Variants in HS6ST3 observed in about 807,000 individuals in gnomAD.
The protein encoded by HS6ST3 is heparan sulfate 6-O-sulfotransferase 3, also known as heparan-sulfate 6-O-sulfotransferase 3.
Under a neutral mutation model 36.7 loss-of-function variants are expected in HS6ST3, and 12 were observed. The ratio of observed to expected loss-of-function variants is 0.33; its 90% CI spans 0.21 to 0.53. The LOEUF (loss-of-function observed/expected upper bound fraction) is 0.53. Among genes scored for constraint, HS6ST3 ranks in the 20% least tolerant of loss-of-function variants. The probability of loss-of-function intolerance (pLI) is 0.95; values close to 1 mark genes in which losing one functional copy is unlikely to be tolerated. For synonymous variants in HS6ST3, 240 were observed against 257.5 expected (o/e 0.93, Z 0.65); for missense variants, 584 against 640.9 (o/e 0.91, Z 0.96).
chr13:96,527,405 T>C (rs1421180709), intron 1 of HS6ST3, among the ~76,000 whole-genome samples: 1 of 152,218 alleles, frequency 6.6e-6, no homozygotes, highest in Non-Finnish European at 1.5e-5. Context: ...AGAACTGTGG[T>C]GGCAAATAAA....
intron 1 of HS6ST3, among the ~76,000 whole-genome samples, chr13:96,357,064 G>T (rs1329697196): frequency 1.3e-5 from 2 of 152,270 alleles, no homozygotes; most frequent in South Asian, 2.1e-4. Context: ...CTTTGCTTCT[G>T]CAATTTCCTC....
intron 1 of HS6ST3, among the ~76,000 whole-genome samples, chr13:96,270,571 T>TA (rs998409067): frequency 2.0e-5 from 3 of 151,772 alleles, no homozygotes; most frequent in Non-Finnish European, 4.4e-5. Flanking sequence ...AGCTTAGTGT[T>TA]ATGAGGATTC....
chr13:96,274,743 G>A (rs1016595561), intron 1 of HS6ST3, among the ~76,000 whole-genome samples: 1 of 151,916 alleles, frequency 6.6e-6, no homozygotes, highest in Admixed American at 6.6e-5. Context: ...TCAACCAAGC[G>A]AAGCTGTGGG....
chr13:96,395,357 C>G (rs1231577163), intron 1 of HS6ST3, among the ~76,000 whole-genome samples: 3 of 152,172 alleles, frequency 2.0e-5, no homozygotes, highest in Non-Finnish European at 4.4e-5. Context: ...AGACTAAACT[C>G]TAGTCTTAAT....
At chr13:96,428,494 A>G (rs1028476612) in intron 1 of HS6ST3, among the ~76,000 whole-genome samples, 3 of 152,094 alleles carry the variant, frequency 2.0e-5, no homozygotes, top group Admixed American at 2.0e-4. Flanking sequence ...GTAAATGTCC[A>G]TCTTCTCATG....
At chr13:96,670,509 A>G (rs2056679435) in intron 1 of HS6ST3, among the ~76,000 whole-genome samples, 1 of 152,086 alleles carries the variant, frequency 6.6e-6, no homozygotes, top group South Asian at 2.1e-4. Flanking sequence ...ATAATTCAAT[A>G]GAAAGGAGAA....
At chr13:96,367,437 T>C (rs2055268579) in intron 1 of HS6ST3, among the ~76,000 whole-genome samples, 1 of 152,222 alleles carries the variant, frequency 6.6e-6, no homozygotes. Context: ...TCTCTGTAAT[T>C]AGTGTGTTTT....
intron 1 of HS6ST3, among the ~76,000 whole-genome samples, chr13:96,442,944 G>A (rs1371415208): frequency 6.6e-6 from 1 of 151,852 alleles, no homozygotes; most frequent in Non-Finnish European, 1.5e-5. Flanking sequence ...TCAACTTTAA[G>A]AAAATGGAAA....
intron 1 of HS6ST3, among the ~76,000 whole-genome samples, chr13:96,180,051 TCTCAA>T (rs1234994898): frequency 6.6e-6 from 1 of 152,116 alleles, no homozygotes. Context: ...GCCAGGCTGG[TCTCAA>T]ACTCCTGACC....
At chr13:96,640,264 T>C (rs1207838800) in intron 1 of HS6ST3, among the ~76,000 whole-genome samples, 3 of 151,812 alleles carry the variant, frequency 2.0e-5, no homozygotes, top group Non-Finnish European at 4.4e-5. Context: ...GCCATTCTGA[T>C]TGGTGTGAGA....
chr13:96,179,560 A>G (rs556462706), intron 1 of HS6ST3, among the ~76,000 whole-genome samples: 64 of 152,210 alleles, frequency 4.2e-4, no homozygotes, highest in Non-Finnish European at 8.5e-4. Context: ...TAGTTCCTGC[A>G]TTCACAGAGT....
At chr13:96,359,005 C>T (rs2055224239) in intron 1 of HS6ST3, among the ~76,000 whole-genome samples, 1 of 151,920 alleles carries the variant, frequency 6.6e-6, no homozygotes, top group Non-Finnish European at 1.5e-5. Flanking sequence ...GTAATATTCT[C>T]TGGGTTTGAA....
intron 1 of HS6ST3, among the ~76,000 whole-genome samples, chr13:96,803,249 A>G (rs1340495104): frequency 1.3e-5 from 2 of 152,186 alleles, no homozygotes; most frequent in African/African-American, 2.4e-5. Context: ...TACTGCCTAT[A>G]GTTGTTAATT....
intron 1 of HS6ST3, among the ~76,000 whole-genome samples, chr13:96,552,634 A>C (rs1249622896): frequency 6.6e-6 from 1 of 152,090 alleles, no homozygotes; most frequent in African/African-American, 2.4e-5. Context: ...GCACAGGGAG[A>C]GCTTCCTAGT....
At chr13:96,534,973 CA>C in intron 1 of HS6ST3, among the ~76,000 whole-genome samples, 1 of 151,784 alleles carries the variant, frequency 6.6e-6, no homozygotes, top group Middle Eastern at 3.4e-3. Flanking sequence ...AACAAACAAA[CA>C]AAAAAAGAGG....
chr13:96,537,042 T>G (rs1290771711), intron 1 of HS6ST3, among the ~76,000 whole-genome samples: 1 of 152,214 alleles, frequency 6.6e-6, no homozygotes, highest in Non-Finnish European at 1.5e-5. Flanking sequence ...TCTCTCTTGC[T>G]TCCTGTATTA....
At chr13:96,516,350 C>T (rs1315650913) in intron 1 of HS6ST3, among the ~76,000 whole-genome samples, 2 of 152,010 alleles carry the variant, frequency 1.3e-5, no homozygotes, top group African/African-American at 2.4e-5. Flanking sequence ...CCACCATTCC[C>T]GGCCAACATT....
intron 1 of HS6ST3, among the ~76,000 whole-genome samples, chr13:96,180,887 C>CT (rs1333183062): frequency 6.6e-6 from 1 of 152,128 alleles, no homozygotes; most frequent in African/African-American, 2.4e-5. Flanking sequence ...TTTCCTTCTC[C>CT]TTTTTTTCTT....
At chr13:96,383,521 G>T (rs2055352227) in intron 1 of HS6ST3, among the ~76,000 whole-genome samples, 1 of 152,170 alleles carries the variant, frequency 6.6e-6, no homozygotes, top group Non-Finnish European at 1.5e-5. Context: ...TCTATCCTGA[G>T]GGAAGAAGTT....
Sources: gnomAD v4.1 joint callset for allele counts (sites outside exome capture counted in the v4.1 genomes callset) on GRCh38, gnomAD v4.1.1 for gene constraint, MANE v1.5 for transcripts, NCBI Gene and HGNC (gene_info 2026-07-23, HGNC 2026-07-21) for gene names.